The following CSMD1 variants were observed in gnomAD, a reference collection of about 807,000 sequenced individuals.
CSMD1 encodes CUB and sushi domain-containing protein 1.
In CSMD1, 213 loss-of-function variants were observed where a neutral mutation model predicts 417.5. The observed-to-expected ratio is 0.51, with a 90% confidence interval of 0.46 to 0.57. CSMD1 has a LOEUF of 0.57. Ranked by LOEUF, CSMD1 falls within the 20% of genes least tolerant of loss-of-function variation. The pLI is 0.00. For missense variants in CSMD1, 6,923 were observed against 4,529.7 expected, an observed-to-expected ratio of 1.53 and a Z score of -15.17; for synonymous variants, 2,862 against 1,736.8, an observed-to-expected ratio of 1.65 and a Z score of -16.11.
intron 50 of CSMD1, among the ~76,000 whole-genome samples, chr8:3,035,792 G>T (rs535167262): frequency 6.6e-6 from 1 of 152,140 alleles, no homozygotes; most frequent in Non-Finnish European, 1.5e-5. Flanking sequence ...GGTTTAGCTG[G>T]CATGACAGAC....
At chr8:3,812,565 C>T (rs74885270) in intron 5 of CSMD1, among the ~76,000 whole-genome samples, 3 of 152,220 alleles carry the variant, frequency 2.0e-5, no homozygotes, top group African/African-American at 7.2e-5. Flanking sequence ...TCCTCGGAGA[C>T]CTTGCTTATG....
At chr8:3,263,814 G>T (rs1801250889) in intron 26 of CSMD1, among the ~76,000 whole-genome samples, 1 of 152,122 alleles carries the variant, frequency 6.6e-6, no homozygotes, top group Non-Finnish European at 1.5e-5. Flanking sequence ...TAATAGTTTT[G>T]CTTTCATCAT....
chr8:4,009,100 T>TA (rs1816357100), intron 4 of CSMD1, among the ~76,000 whole-genome samples: 1 of 152,292 alleles, frequency 6.6e-6, no homozygotes, highest in East Asian at 1.9e-4. Flanking sequence ...GTTGTGCAGT[T>TA]AAAAAATGGT....
intron 3 of CSMD1, among the ~76,000 whole-genome samples, chr8:4,236,230 C>G (rs1053502794): frequency 1.3e-5 from 2 of 151,976 alleles, no homozygotes; most frequent in African/African-American, 4.8e-5. Context: ...TATAATCCAT[C>G]GCATCACCTA....
At chr8:3,618,534 A>C (rs1229157116) in intron 7 of CSMD1, among the ~76,000 whole-genome samples, 1 of 152,024 alleles carries the variant, frequency 6.6e-6, no homozygotes, top group African/African-American at 2.4e-5. Context: ...TTGAATTCCA[A>C]AATTTTATTT....
chr8:4,954,794 T>G (rs977690452), intron 1 of CSMD1, among the ~76,000 whole-genome samples: 9 of 152,162 alleles, frequency 5.9e-5, no homozygotes, highest in Admixed American at 5.9e-4. Flanking sequence ...TTTTCCATAC[T>G]TGACTTTAAG....
At chr8:4,457,419 G>A (rs900699532) in intron 2 of CSMD1, among the ~76,000 whole-genome samples, 1 of 152,082 alleles carries the variant, frequency 6.6e-6, no homozygotes, top group African/African-American at 2.4e-5. Flanking sequence ...AAACTCAGGG[G>A]AGTGACAGGG....
chr8:4,676,059 T>A (rs1457152889), intron 1 of CSMD1, among the ~76,000 whole-genome samples: 1 of 152,222 alleles, frequency 6.6e-6, no homozygotes, highest in Non-Finnish European at 1.5e-5. Context: ...TCAACAGTCC[T>A]AGAAAGTAGA....
At chr8:4,987,891 G>A (rs2117464368) in intron 1 of CSMD1, among the ~76,000 whole-genome samples, 1 of 152,216 alleles carries the variant, frequency 6.6e-6, no homozygotes, top group African/African-American at 2.4e-5. Context: ...TTGGACTCTT[G>A]GACTTACACC....
At chr8:4,260,502 A>T (rs2128840595) in intron 3 of CSMD1, among the ~76,000 whole-genome samples, 1 of 152,306 alleles carries the variant, frequency 6.6e-6, no homozygotes, top group South Asian at 2.1e-4. Context: ...AAGGCAAACA[A>T]TGTTAAAGAA....
rs760229655 is a variant in CSMD1 at position 2,938,573 on chromosome 8, G to T, written c.*12C>A. The T allele has an allele frequency of 3.7e-6, 6 of 1,607,660 alleles. No homozygotes were observed. The highest frequency in any genetic ancestry group is 2.2e-5 in the East Asian group (1 of 44,730). ...GTATGGCTATGAATCAGTCCTGTTGGGGCACTGAGGGCTATACCACTGTAC... is the reference window on the plus strand; with the variant it reads ...GTATGGCTATGAATCAGTCCTGTTGTGGCACTGAGGGCTATACCACTGTAC... On this transcript the variant is annotated 3_prime_UTR_variant, in exon 70 of 70. Transcript: ENST00000635120.
Position 4,761,898 on chromosome 8 carries a change from T to TCTAC in CSMD1, c.86-124341_86-124340insGTAG, listed in dbSNP as rs1183084613. On this transcript the variant is annotated intron_variant, in intron 1 of 69. Coordinates refer to ENST00000635120, the MANE Select transcript of CSMD1 (RefSeq NM_033225.6). ...ATCTATCTATCTATCTACCTACCTA[T>TCTAC]CTATCTATCTATCAATCTATCTATC... 8.9e-3 allele frequency among the ~76,000 whole-genome samples: 782 copies of TCTAC among 88,184 alleles called. 12 individuals are homozygous for TCTAC. The highest frequency in any genetic ancestry group is 0.031 in the African/African-American group (718 of 22,912). The allele number at this position is 88,184 out of a possible 152,430, so 57.9% of individuals were successfully genotyped here.
At chr8:3,634,661 C>G (rs1796943963) in intron 7 of CSMD1, among the ~76,000 whole-genome samples, 1 of 152,178 alleles carries the variant, frequency 6.6e-6, no homozygotes, top group African/African-American at 2.4e-5. Flanking sequence ...GGGGACACCT[C>G]AAACTGCACA....
intron 3 of CSMD1, among the ~76,000 whole-genome samples, chr8:4,361,818 G>C (rs1801783001): frequency 6.6e-6 from 1 of 152,060 alleles, no homozygotes; most frequent in African/African-American, 2.4e-5. Flanking sequence ...AGCCAGGCGT[G>C]GTGCGGGGCG....
At chr8:3,404,073 C>A (rs775706674) in intron 15 of CSMD1, among the ~76,000 whole-genome samples, 2 of 152,096 alleles carry the variant, frequency 1.3e-5, no homozygotes, top group African/African-American at 4.8e-5. Context: ...TATTACCAGA[C>A]GATACTATAA....
intron 20 of CSMD1, among the ~76,000 whole-genome samples, chr8:3,361,666 A>C (rs1229027171): frequency 6.7e-6 from 1 of 150,292 alleles, no homozygotes; most frequent in African/African-American, 2.4e-5. Flanking sequence ...AAAAAAAAAA[A>C]AAAAAACAAA....
chr8:3,293,224 G>C (rs1300028113), intron 25 of CSMD1, among the ~76,000 whole-genome samples: 1 of 152,042 alleles, frequency 6.6e-6, no homozygotes, highest in African/African-American at 2.4e-5. Flanking sequence ...TCCTTTTGTG[G>C]GTAACCGGAC....
At chr8:4,308,471 G>A (rs376244381) in intron 3 of CSMD1, among the ~76,000 whole-genome samples, 17 of 152,248 alleles carry the variant, frequency 1.1e-4, no homozygotes, top group African/African-American at 3.1e-4. Flanking sequence ...GATCTTCAGC[G>A]AGGGCCAATG....
intron 2 of CSMD1, among the ~76,000 whole-genome samples, chr8:4,447,394 T>C (rs1465171341): frequency 2.0e-5 from 3 of 152,152 alleles, no homozygotes; most frequent in Admixed American, 2.0e-4. Flanking sequence ...CCTTGAATGA[T>C]TGGGAAAGGA....
Sources: gnomAD v4.1 joint callset for allele counts (sites outside exome capture counted in the v4.1 genomes callset) on GRCh38, gnomAD v4.1.1 for gene constraint, MANE v1.5 for transcripts, NCBI Gene and HGNC (gene_info 2026-07-23, HGNC 2026-07-21) for gene names.